CHSY3: variants seen among roughly 807,000 people sequenced by gnomAD.
The protein encoded by CHSY3 is N-acetylgalactosaminyl-proteoglycan 3-beta-glucuronosyltransferase 3.
In CHSY3, 35 loss-of-function variants were observed where a neutral mutation model predicts 67.2. That is an observed-to-expected ratio of 0.52 (90% CI 0.40 to 0.69). CHSY3 has a LOEUF of 0.69. Ranked by LOEUF, CHSY3 falls within the 30% of genes least tolerant of loss-of-function variation. The pLI is 0.00. For synonymous variants in CHSY3, 474 were observed against 434.7 expected (o/e 1.09, Z -1.12); for missense variants, 1,069 against 1,138.5 (o/e 0.94, Z 0.88).
At chr5:130,043,638 A>G (rs1359131190) in intron 2 of CHSY3, among the ~76,000 whole-genome samples, 1 of 152,186 alleles carries the variant, frequency 6.6e-6, no homozygotes, top group Non-Finnish European at 1.5e-5. Context: ...TATCCTTTGC[A>G]GTACTGTTGC....
chr5:129,910,858 T>TA (rs940168005), intron 2 of CHSY3, among the ~76,000 whole-genome samples: 1 of 152,056 alleles, frequency 6.6e-6, no homozygotes, highest in Non-Finnish European at 1.5e-5. Flanking sequence ...ATCTGCTCAT[T>TA]AAAAAAGCTA....
chr5:129,974,551 G>A (rs1215739205), intron 2 of CHSY3, among the ~76,000 whole-genome samples: 4 of 152,168 alleles, frequency 2.6e-5, no homozygotes, highest in Admixed American at 2.6e-4. Context: ...AAAAGAAAAA[G>A]CCCCTATGTA....
intron 2 of CHSY3, among the ~76,000 whole-genome samples, chr5:130,092,335 A>AT (rs1766908624): frequency 6.6e-6 from 1 of 152,210 alleles, no homozygotes; most frequent in South Asian, 2.1e-4. Flanking sequence ...CACAGAAAGC[A>AT]TTGGCAGGCC....
intron 2 of CHSY3, among the ~76,000 whole-genome samples, chr5:130,143,867 A>AT (rs1268835707): frequency 8.5e-6 from 1 of 117,890 alleles, no homozygotes; most frequent in African/African-American, 3.0e-5. Context: ...GCTATATTGG[A>AT]TACTGCCAAA....
chr5:129,972,629 G>C (rs897483680), intron 2 of CHSY3, among the ~76,000 whole-genome samples: 4 of 151,412 alleles, frequency 2.6e-5, no homozygotes, highest in Admixed American at 6.6e-5. Context: ...ATGTGTGTGT[G>C]GTCTGTGTGT....
At chr5:130,099,430 G>A (rs1052241249) in intron 2 of CHSY3, among the ~76,000 whole-genome samples, 12 of 152,176 alleles carry the variant, frequency 7.9e-5, no homozygotes, top group Non-Finnish European at 1.6e-4. Flanking sequence ...CAGATGCCAA[G>A]GATGTAGTGA....
chr5:130,159,719 T>C (rs1004890018), intron 2 of CHSY3, among the ~76,000 whole-genome samples: 17 of 152,306 alleles, frequency 1.1e-4, no homozygotes, highest in Admixed American at 6.5e-5. Context: ...ATTCTTATCT[T>C]AGATACACAT....
intron 2 of CHSY3, among the ~76,000 whole-genome samples, chr5:130,092,462 C>T (rs549970450): frequency 6.6e-6 from 1 of 152,186 alleles, no homozygotes; most frequent in Admixed American, 6.5e-5. Context: ...ATACTTAGAG[C>T]TTTGTTTACT....
At chr5:130,140,384 T>C in intron 2 of CHSY3, 1 of 661,332 alleles carries the variant, frequency 1.5e-6, no homozygotes, top group Admixed American at 2.4e-5. Flanking sequence ...GAAGTGTTTT[T>C]TATGGTTCTG....
At chr5:129,950,488 G>C (rs1017017096) in intron 2 of CHSY3, among the ~76,000 whole-genome samples, 1 of 152,102 alleles carries the variant, frequency 6.6e-6, no homozygotes, top group Non-Finnish European at 1.5e-5. Flanking sequence ...AATTGTGTCT[G>C]TTTGCAGATG....
chr5:129,924,297 T>C (rs1208801603), intron 2 of CHSY3, among the ~76,000 whole-genome samples: 1 of 152,126 alleles, frequency 6.6e-6, no homozygotes, highest in African/African-American at 2.4e-5. Flanking sequence ...CTGCCCTCAA[T>C]TTTTGTTTAT....
At chr5:130,111,739 A>C (rs1767595914) in intron 2 of CHSY3, among the ~76,000 whole-genome samples, 3 of 152,256 alleles carry the variant, frequency 2.0e-5, no homozygotes, top group African/African-American at 7.2e-5. Flanking sequence ...TTCTGCCAAG[A>C]TTGGGAACCA....
chr5:130,161,357 C>A (rs1193492530), intron 2 of CHSY3, among the ~76,000 whole-genome samples: 1 of 152,188 alleles, frequency 6.6e-6, no homozygotes, highest in Non-Finnish European at 1.5e-5. Flanking sequence ...TATCCTAGTA[C>A]TATTACCACT....
rs1433405052 is a variant in CHSY3 at position 130,143,756 on chromosome 5, A to ATATATATATATATATATATGTG, written c.1087-40472_1087-40471insATATATATATATATATATGTGT. On this transcript the variant is annotated intron_variant, in intron 2 of 2. Transcript: ENST00000305031. ...TGTGTATATATATATATATATATAT[A>ATATATATATATATATATATGTG]TGTGTGTGTGTGTATATATATATAT... 4.1e-4 allele frequency among the ~76,000 whole-genome samples: 42 copies of ATATATATATATATATATATGTG among 101,910 alleles called. 1 individual carries two copies. The highest frequency in any genetic ancestry group is 1.8e-3 in the African/African-American group (37 of 20,976). The allele number at this position is 101,910 out of a possible 152,430, so 66.9% of individuals were successfully genotyped here.
chr5:129,982,715 GA>G (rs1221304154), intron 2 of CHSY3, among the ~76,000 whole-genome samples: 1 of 150,810 alleles, frequency 6.6e-6, no homozygotes, highest in African/African-American at 2.4e-5. Context: ...TTTAATTAAA[GA>G]AAGTATCAAA....
chr5:130,018,222 TA>T (rs1432972190), intron 2 of CHSY3, among the ~76,000 whole-genome samples: 1 of 152,232 alleles, frequency 6.6e-6, no homozygotes, highest in Non-Finnish European at 1.5e-5. Flanking sequence ...AAAAAAGTCC[TA>T]TTTTTTACAA....
At chr5:130,052,448 A>ATTTGG (rs1341580330) in intron 2 of CHSY3, among the ~76,000 whole-genome samples, 1 of 152,200 alleles carries the variant, frequency 6.6e-6, no homozygotes, top group Non-Finnish European at 1.5e-5. Context: ...ATTATTATCC[A>ATTTGG]TAAAGATATT....
chr5:130,074,886 G>T (rs1000719548), intron 2 of CHSY3, among the ~76,000 whole-genome samples: 17 of 136,066 alleles, frequency 1.2e-4, no homozygotes, highest in African/African-American at 4.9e-4. Flanking sequence ...ATACATTAAT[G>T]ATAGTAATAA....
chr5:130,064,574 A>G (rs1048998491), intron 2 of CHSY3, among the ~76,000 whole-genome samples: 6 of 152,148 alleles, frequency 3.9e-5, no homozygotes, highest in African/African-American at 1.4e-4. Flanking sequence ...ATTTTGCTCA[A>G]TTTGGGAAAC....
Sources: gnomAD v4.1 joint callset for allele counts (sites outside exome capture counted in the v4.1 genomes callset) on GRCh38, gnomAD v4.1.1 for gene constraint, MANE v1.5 for transcripts, NCBI Gene and HGNC (gene_info 2026-07-23, HGNC 2026-07-21) for gene names.